The following LDLRAD3 variants were observed in gnomAD, a reference collection of about 807,000 sequenced individuals.
LDLRAD3 encodes low density lipoprotein receptor class A domain containing 3.
LDLRAD3 carries 20 observed loss-of-function variants against 29.4 expected under a neutral mutation model. The ratio of observed to expected loss-of-function variants is 0.68; its 90% CI spans 0.48 to 0.99. The LOEUF (loss-of-function observed/expected upper bound fraction) is 0.99. Among genes scored for constraint, LDLRAD3 ranks in the 50% least tolerant of loss-of-function variants. The probability of loss-of-function intolerance (pLI) is 0.00; values close to 1 mark genes in which losing one functional copy is unlikely to be tolerated. For missense variants in LDLRAD3, 420 were observed against 454.3 expected (o/e 0.92, Z 0.69); for synonymous variants, 157 against 192.7 (o/e 0.81, Z 1.53).
At chr11:36,048,680 A>G (rs1164982782) in intron 2 of LDLRAD3, among the ~76,000 whole-genome samples, 1 of 152,160 alleles carries the variant, frequency 6.6e-6, no homozygotes, top group East Asian at 1.9e-4. Flanking sequence ...TGCTGGTGCC[A>G]TTCTAATCCT....
intron 2 of LDLRAD3, among the ~76,000 whole-genome samples, chr11:36,046,999 A>G (rs999913062): frequency 6.6e-6 from 1 of 152,160 alleles, no homozygotes; most frequent in African/African-American, 2.4e-5. Flanking sequence ...TCTAAATGCT[A>G]GTTAGTATGT....
chr11:35,988,069 G>GT (rs983601511), intron 1 of LDLRAD3, among the ~76,000 whole-genome samples: 2 of 152,024 alleles, frequency 1.3e-5, no homozygotes, highest in African/African-American at 2.4e-5. Context: ...TTGTTCGTTT[G>GT]TTTTTTGAGA....
chr11:36,229,355 G>T lies in LDLRAD3; in HGVS notation c.996G>T (p.Glu332Asp). 1 of 1,613,820 alleles carries T rather than the reference G, an allele frequency of 6.2e-7. No individual in the cohort carries two copies. Among genetic ancestry groups the T allele is most frequent in the South Asian group, 1.1e-5 (1 of 91,062 alleles). The change falls in exon 6 of 6, where the codon GAG becomes GAT. Residue 332 changes from glutamate to aspartate, a missense_variant. By Grantham distance (45) the Glu-to-Asp change is conservative. This residue lies in a region of LDLRAD3 where 140 missense variants were observed against 139.9 expected (regional missense o/e 1.00). Transcript: ENST00000315571. ...GQPGPQEGTA[E>D]PRDSEPSQGT... ...CTGGCCCCCAGGAGGGCACTGCTGAGCCCAGGGACTCTGAGCCCAGCCAGG... is the reference window on the plus strand; with the variant it reads ...CTGGCCCCCAGGAGGGCACTGCTGATCCCAGGGACTCTGAGCCCAGCCAGG...
chr11:36,056,531 C>A (rs892082715), intron 2 of LDLRAD3, among the ~76,000 whole-genome samples: 4 of 152,200 alleles, frequency 2.6e-5, no homozygotes, highest in Non-Finnish European at 5.9e-5. Context: ...CTCTGCTGTG[C>A]TGCCCCCTGT....
chr11:36,025,774 ATTTTTTTTTTTT>A (rs754006718), intron 1 of LDLRAD3, among the ~76,000 whole-genome samples: 6 of 84,404 alleles, frequency 7.1e-5, no homozygotes, highest in Non-Finnish European at 9.2e-5. Context: ...CCTGAATTTG[ATTTTTTTTTTTT>A]TTTTTTTTTT....
intron 2 of LDLRAD3, among the ~76,000 whole-genome samples, chr11:36,071,282 G>A: frequency 6.6e-6 from 1 of 152,202 alleles, no homozygotes. Context: ...TCCTAGGCTG[G>A]AGGCTTTTCT....
chr11:36,180,508 C>T (rs897412994), intron 4 of LDLRAD3, among the ~76,000 whole-genome samples: 8 of 152,054 alleles, frequency 5.3e-5, no homozygotes, highest in African/African-American at 1.9e-4. Flanking sequence ...AGGAGAGTGG[C>T]GGGAGCTGGG....
chr11:35,946,689 C>G (rs1444493122), intron 1 of LDLRAD3, among the ~76,000 whole-genome samples: 1 of 152,164 alleles, frequency 6.6e-6, no homozygotes, highest in African/African-American at 2.4e-5. Context: ...CCAGGACTGA[C>G]CTTTGCCTAG....
At chr11:36,186,286 A>G (rs112773061) in intron 4 of LDLRAD3, among the ~76,000 whole-genome samples, 1,778 of 152,322 alleles carry the variant, frequency 0.012, 39 homozygotes, top group African/African-American at 0.041. Context: ...ATAATGCTTG[A>G]CATGTAATAA....
intron 4 of LDLRAD3, among the ~76,000 whole-genome samples, chr11:36,164,166 C>G (rs937429931): frequency 5.9e-5 from 9 of 152,324 alleles, no homozygotes; most frequent in African/African-American, 2.2e-4. Flanking sequence ...CAGCCACGCT[C>G]TGTCCCTGTG....
chr11:36,042,043 G>A (rs1284611089), intron 2 of LDLRAD3, among the ~76,000 whole-genome samples: 1 of 152,120 alleles, frequency 6.6e-6, no homozygotes, highest in East Asian at 1.9e-4. Context: ...TTATTGCTCT[G>A]GTGTAAAGGC....
intron 1 of LDLRAD3, 25 bp from the exon 2 acceptor site, chr11:36,036,078 C>A (rs1195032893): frequency 6.2e-7 from 1 of 1,610,298 alleles, no homozygotes; most frequent in Non-Finnish European, 8.5e-7. Context: ...GCTGTGCCGT[C>A]TGACCTGTCC....
At chr11:36,202,836 A>G (rs10836519) in intron 4 of LDLRAD3, among the ~76,000 whole-genome samples, 46,510 of 152,130 alleles carry the variant, frequency 0.31, 7,299 homozygotes, top group African/African-American at 0.39. Flanking sequence ...AGGACACGGC[A>G]GAGGGGGATG....
chr11:36,102,832 G>A (rs1264219338), intron 4 of LDLRAD3, among the ~76,000 whole-genome samples: 1 of 152,122 alleles, frequency 6.6e-6, no homozygotes, highest in Non-Finnish European at 1.5e-5. Flanking sequence ...CATGTTGGGG[G>A]TCGGCGGCAC....
chr11:36,134,028 G>A (rs2422178), intron 4 of LDLRAD3, among the ~76,000 whole-genome samples: 55,484 of 151,586 alleles, frequency 0.37, 10,454 homozygotes, highest in African/African-American at 0.46. Flanking sequence ...CATGCATAGC[G>A]ACCCAGATAA....
At chr11:35,970,743 T>C (rs1368028269) in intron 1 of LDLRAD3, among the ~76,000 whole-genome samples, 1 of 152,184 alleles carries the variant, frequency 6.6e-6, no homozygotes, top group Non-Finnish European at 1.5e-5. Flanking sequence ...GCCAAGTCCA[T>C]GCATTCATTT....
chr11:36,214,986 T>C (rs536154883), intron 4 of LDLRAD3, among the ~76,000 whole-genome samples: 1 of 152,028 alleles, frequency 6.6e-6, no homozygotes, highest in South Asian at 2.1e-4. Flanking sequence ...TAAATACAAA[T>C]AGAATGTACA....
At chr11:36,120,539 C>A (rs944305655) in intron 4 of LDLRAD3, among the ~76,000 whole-genome samples, 3 of 152,018 alleles carry the variant, frequency 2.0e-5, no homozygotes, top group Non-Finnish European at 4.4e-5. Flanking sequence ...AAAAAAGAAA[C>A]CTTGGGGGAA....
At chr11:36,161,913 C>G (rs1007435155) in intron 4 of LDLRAD3, among the ~76,000 whole-genome samples, 1 of 152,148 alleles carries the variant, frequency 6.6e-6, no homozygotes, top group Non-Finnish European at 1.5e-5. Flanking sequence ...TACGATGAGG[C>G]TCTCTGAGAA....
Sources: allele counts gnomAD v4.1 joint callset (sites outside exome capture counted in the v4.1 genomes callset), GRCh38; gene constraint gnomAD v4.1.1; regional missense constraint gnomAD v4.1.1; transcripts MANE v1.5; gene names NCBI Gene and HGNC (gene_info 2026-07-23, HGNC 2026-07-21).